Variants in MDFI observed in about 807,000 individuals in gnomAD.
MDFI encodes inhibitor of MyoD family a.
MDFI carries 16 observed loss-of-function variants against 22.3 expected under a neutral mutation model. The observed-to-expected ratio is 0.72, with a 90% CI of 0.49 to 1.09. MDFI has a LOEUF of 1.09. Among genes scored for constraint, MDFI ranks in the 50% least tolerant of loss-of-function variants. The pLI is 0.00. For synonymous variants in MDFI, 145 were observed against 142.7 expected (o/e 1.02, Z -0.12); for missense variants, 314 against 326.1 (o/e 0.96, Z 0.29).
At position 41,653,377 on chromosome 6, in the gene MDFI, C is replaced by A; in HGVS notation, c.543C>A (p.Asn181Lys). The A allele has an allele frequency of 6.2e-7, 1 of 1,612,186 alleles. No homozygotes were observed. Among genetic ancestry groups the A allele is most frequent in the East Asian group, 2.2e-5 (1 of 44,876 alleles). Residue 181 changes from asparagine to lysine, a missense_variant, in exon 5 of 5, where the codon AAC (asparagine) becomes AAA (lysine). Transcript: ENST00000230321. The surrounding 1 kb of genome is among the most constrained non-coding windows in gnomAD (Gnocchi z 4.2). ...CLFCEFLTLC[N>K]IVLDCATCGS... ...TCTGCGAGTTCCTGACGCTGTGCAA[C>A]ATCGTCCTGGACTGCGCCACCTGTG...
intron 2 of MDFI, among the ~76,000 whole-genome samples, chr6:41,641,029 T>C (rs1767834194): frequency 6.6e-6 from 1 of 152,126 alleles, no homozygotes; most frequent in Non-Finnish European, 1.5e-5. Flanking sequence ...GGCCTGGGAG[T>C]GTGACCATTG....
intron 2 of MDFI, among the ~76,000 whole-genome samples, chr6:41,642,222 T>C (rs547164336): frequency 6.6e-6 from 1 of 152,144 alleles, no homozygotes; most frequent in Admixed American, 6.5e-5. Flanking sequence ...CGCAGTTGGG[T>C]GAGCAGATGG....
chr6:41,654,207 C>A lies in MDFI; in HGVS notation c.*632C>A, dbSNP rs1768396014. 1 of 158,936 alleles carries A rather than the reference C, an allele frequency of 6.3e-6. No individual in the cohort carries two copies. The highest frequency in any genetic ancestry group is 1.9e-4 in the South Asian group (1 of 5,310). The allele number at this position is 158,936 out of a possible 1,614,324, so 9.8% of individuals were successfully genotyped here. On this transcript the variant is annotated 3_prime_UTR_variant, in exon 5 of 5. Coordinates refer to ENST00000230321, the MANE Select transcript of MDFI (RefSeq NM_005586.4). ...GAAGGGAAGGGAGGGAGGGTCTGTT[C>A]TATCTGTTGCTGTAAATAAAGATAT...
In MDFI at chr6:41,646,271, C is replaced by G; in HGVS notation, c.222C>G (p.Asp74Glu). Residue 74 changes from aspartate to glutamate, a missense_variant, in exon 3 of 5, where the codon GAC (aspartate) becomes GAG (glutamate). By Grantham distance (45) the Asp-to-Glu change is conservative. Transcript: ENST00000230321. ...GCCCTGGCATCCCCCAGGGCCTGGA[C>G]AGCACTGACCTCGACGTCCCCACAG... Reference protein sequence around the residue: ...GNGPGIPQGLDSTDLDVPTEA... With the variant: ...GNGPGIPQGLESTDLDVPTEA... 1.3e-6 allele frequency: 2 copies of G among 1,501,826 alleles called. No individual in the cohort carries two copies. Among genetic ancestry groups the G allele is most frequent in the Non-Finnish European group, 1.8e-6 (2 of 1,127,240 alleles). The allele number at this position is 1,501,826 out of a possible 1,614,324, so 93.0% of individuals were successfully genotyped here.
rs1768378175 is a variant in MDFI, at chr6:41,653,799, C to T, written c.*224C>T. 9.8e-6 allele frequency: 6 copies of T among 610,968 alleles called. No individual in the cohort carries two copies. The highest frequency in any genetic ancestry group is 1.7e-5 in the Non-Finnish European group (6 of 347,886). The allele number at this position is 610,968 out of a possible 1,614,324, so 37.8% of individuals were successfully genotyped here. A position where few individuals can be genotyped will look rare whatever the true frequency, so the allele number is the denominator to read the frequency against. On this transcript the variant is annotated 3_prime_UTR_variant, in exon 5 of 5. Transcript: ENST00000230321. This position sits in a 1 kb window ranked among gnomAD's most constrained non-coding sequence, Gnocchi z 4.2. ...GGGTGGTGGGCCCATGGCAGAGAAG[C>T]CTGAACTCTTTACTGGGTTACCAGG...
At position 41,653,883 on chromosome 6, in the gene MDFI, G is replaced by A. The variant is rs1768381502; in HGVS notation, c.*308G>A. The A allele has an allele frequency of 1.3e-5, 5 of 377,576 alleles. No individual in the cohort carries two copies. The highest frequency in any genetic ancestry group is 5.6e-5 in the East Asian group (1 of 17,942). The allele number at this position is 377,576 out of a possible 1,614,324, so 23.4% of individuals were successfully genotyped here. ...TAGGGGCAGGGCTGGGGTGGGGACCGCAGGGGGCAGCCAGGGCTGGGGAAC... is the reference window on the plus strand; with the variant it reads ...TAGGGGCAGGGCTGGGGTGGGGACCACAGGGGGCAGCCAGGGCTGGGGAAC... On this transcript the variant is annotated 3_prime_UTR_variant, in exon 5 of 5. Coordinates refer to ENST00000230321, the MANE Select transcript of MDFI (RefSeq NM_005586.4). This position sits in a 1 kb window ranked among gnomAD's most constrained non-coding sequence, Gnocchi z 4.2.
intron 3 of MDFI, 49 bp from the exon 4 acceptor site, chr6:41,649,570 C>T (rs2073160): frequency 0.37 from 545,622 of 1,479,982 alleles, 104,097 homozygotes; most frequent in Admixed American, 0.6. Context: ...CTCTGGGGGC[C>T]GAATGACCCC....
rs1035891837 is a variant in MDFI at position 41,649,908 on chromosome 6, C to T, written c.484+65C>T. On this transcript the variant is annotated intron_variant, in intron 4 of 4. Coordinates refer to ENST00000230321, the MANE Select transcript of MDFI (RefSeq NM_005586.4). Reference sequence around the variant, plus strand: ...AAGCCGGGTTCCTCGAAGCATGACGCATGGGCCCACTGGAGCACCTTCACC... The same window carrying T: ...AAGCCGGGTTCCTCGAAGCATGACGTATGGGCCCACTGGAGCACCTTCACC... 19 of 1,421,110 alleles carry T rather than the reference C, an allele frequency of 1.3e-5. No homozygotes were observed. In the African/African-American group the frequency reaches 2.7e-4, roughly 20 times the overall value. The allele number at this position is 1,421,110 out of a possible 1,614,324, so 88.0% of individuals were successfully genotyped here.
intron 2 of MDFI, among the ~76,000 whole-genome samples, chr6:41,644,994 A>C (rs1581833703): frequency 1.4e-5 from 2 of 146,990 alleles, no homozygotes; most frequent in African/African-American, 2.5e-5. Context: ...CCTCTGTGTC[A>C]CCCTGCCTCT....
chr6:41,645,782 C>T (rs1287430946), intron 2 of MDFI, among the ~76,000 whole-genome samples: 1 of 151,616 alleles, frequency 6.6e-6, no homozygotes, highest in Non-Finnish European at 1.5e-5. Flanking sequence ...ATGCCTGTCC[C>T]TATCTCTCCG....
chr6:41,639,242 C>T (rs986549187), intron 2 of MDFI: 26 of 985,202 alleles, frequency 2.6e-5, no homozygotes, highest in Non-Finnish European at 3.0e-5. Context: ...TTCCCCCAGC[C>T]CAACCAGAGC....
intron 4 of MDFI, among the ~76,000 whole-genome samples, chr6:41,650,734 C>T (rs1398852876): frequency 6.6e-6 from 1 of 151,988 alleles, no homozygotes. Flanking sequence ...CCACCACGCC[C>T]AGCTAATTTT....
At chr6:41,639,374 C>A (rs1167202580) in intron 2 of MDFI, 1 of 985,382 alleles carries the variant, frequency 1.0e-6, no homozygotes, top group Admixed American at 6.1e-5. Context: ...TCCCCGCCGC[C>A]CCTGCCCTGT....
At chr6:41,642,166 G>A (rs1469007245) in intron 2 of MDFI, among the ~76,000 whole-genome samples, 6 of 152,146 alleles carry the variant, frequency 3.9e-5, no homozygotes, top group Admixed American at 2.0e-4. Flanking sequence ...TGTGGCACCC[G>A]GTGCAGATTA....
In MDFI at chr6:41,653,787, A is replaced by G; in HGVS notation, c.*212A>G. The G allele has an allele frequency of 1.6e-6, 1 of 617,466 alleles. No individual in the cohort carries two copies. Among genetic ancestry groups the G allele is most frequent in the Non-Finnish European group, 2.8e-6 (1 of 355,166 alleles). The allele number at this position is 617,466 out of a possible 1,614,324, so 38.2% of individuals were successfully genotyped here. On this transcript the variant is annotated 3_prime_UTR_variant, in exon 5 of 5. Coordinates refer to ENST00000230321, the MANE Select transcript of MDFI (RefSeq NM_005586.4). This position sits in a 1 kb window ranked among gnomAD's most constrained non-coding sequence, Gnocchi z 4.2. ...CTCCTCAGCCGTGGGTGGTGGGCCC[A>G]TGGCAGAGAAGCCTGAACTCTTTAC...
intron 4 of MDFI, among the ~76,000 whole-genome samples, chr6:41,651,121 G>A (rs1313714064): frequency 6.7e-6 from 1 of 150,188 alleles, no homozygotes; most frequent in Non-Finnish European, 1.5e-5. Context: ...GTTGCAGTGA[G>A]CCAAGATCGT....
At chr6:41,639,420 C>T (rs1427379261) in intron 2 of MDFI, 3 of 985,440 alleles carry the variant, frequency 3.0e-6, no homozygotes, top group Non-Finnish European at 3.6e-6. Context: ...GTCTTCAGCC[C>T]AAGTGAAATG....
Position 41,646,184 on chromosome 6 carries a change from G to T in MDFI, c.135G>T (p.Ala45=). ...TAGTAACAGGATCCACTCACCCTGC[G>T]GAGGCAGCACCAGAGGAGGGCTCCC... ...LEVVTGSTHP[A]EAAPEEGSLE... is the part of the protein sequence containing the mutation. Residue 45 remains alanine, a synonymous_variant, in exon 3 of 5, where the codon GCG becomes GCT. Coordinates refer to ENST00000230321, the MANE Select transcript of MDFI (RefSeq NM_005586.4). 1.3e-6 allele frequency: 2 copies of T among 1,590,074 alleles called. No individual in the cohort carries two copies. Among genetic ancestry groups the T allele is most frequent in the South Asian group, 2.3e-5 (2 of 87,420 alleles).
At chr6:41,652,604 C>CTG (rs1276024177) in intron 4 of MDFI, among the ~76,000 whole-genome samples, 3 of 111,366 alleles carry the variant, frequency 2.7e-5, no homozygotes. Context: ...ACTACTCTCC[C>CTG]TCTCTTTTTT....
Sources: allele counts gnomAD v4.1 joint callset (sites outside exome capture counted in the v4.1 genomes callset), GRCh38; gene constraint gnomAD v4.1.1; non-coding constraint Gnocchi (gnomAD v3.1); transcripts MANE v1.5; gene names NCBI Gene and HGNC (gene_info 2026-07-23, HGNC 2026-07-21).